Variants in FAM227A observed in about 807,000 individuals in gnomAD.
FAM227A encodes protein FAM227A.
A neutral mutation model predicts 74.7 loss-of-function variants in FAM227A; 80 were observed. The ratio of observed to expected loss-of-function variants is 1.07; its 90% CI spans 0.89 to 1.29. FAM227A has a LOEUF of 1.29. Ranked by LOEUF, FAM227A falls within the 50% of genes most tolerant of loss-of-function variation. FAM227A has a pLI of 0.00. For missense variants in FAM227A, 654 were observed against 683.4 expected (o/e 0.96, Z 0.48); for synonymous variants, 237 against 241.8 (o/e 0.98, Z 0.19).
rs558433080 is a variant in FAM227A, at chr22:38,585,704, A to G, written c.*421T>C. The G allele has an allele frequency of 9.7e-5, 21 of 215,948 alleles. No homozygotes were observed. The East Asian group carries it at 1.8e-3, about 19-fold the overall frequency. 13.4% of individuals were successfully genotyped at this position (215,948 alleles called of 1,614,324 possible). On this transcript the variant is annotated 3_prime_UTR_variant, in exon 17 of 17. Coordinates refer to ENST00000535113, the MANE Select transcript of FAM227A (RefSeq NM_001013647.2). Reference sequence around the variant, plus strand: ...ACCAGATGGTGACTCCCTTGAGAACAGGGACTGTGTCTTATCTACTGTTAA... The same window carrying G: ...ACCAGATGGTGACTCCCTTGAGAACGGGGACTGTGTCTTATCTACTGTTAA...
Position 38,591,504 on chromosome 22 carries a change from T to C in FAM227A, c.1569A>G (p.Thr523=). 6.5e-7 allele frequency: 1 copy of C among 1,548,486 alleles called. No individual in the cohort carries two copies. Among genetic ancestry groups the C allele is most frequent in the Non-Finnish European group, 8.7e-7 (1 of 1,146,072 alleles). The stretch of plus-strand genomic sequence containing the variant: ...GGATGAACATGTGGTTTGCCTTTTT[T>C]GTATCTGCTGCTTTTGGATCAATAT... ...MKNIDPKAAD[T]KKANHMFIPP... Residue 523 remains threonine, a synonymous_variant, in exon 16 of 17, where the codon ACA becomes ACG. Coordinates refer to ENST00000535113, the MANE Select transcript of FAM227A (RefSeq NM_001013647.2).
chr22:38,617,117 C>T (rs780913735), intron 11 of FAM227A, among the ~76,000 whole-genome samples: 5 of 152,070 alleles, frequency 3.3e-5, no homozygotes, highest in Admixed American at 6.5e-5. Context: ...TACAGTGGTG[C>T]GGCCAGGCAG....
chr22:38,613,317 A>AATATATATC (rs2091489337), intron 11 of FAM227A, among the ~76,000 whole-genome samples: 1 of 83,310 alleles, frequency 1.2e-5, no homozygotes, highest in Non-Finnish European at 2.1e-5. Context: ...TATAACATAT[A>AATATATATC]ATATATATCA....
intron 3 of FAM227A, among the ~76,000 whole-genome samples, chr22:38,644,629 C>T (rs1298988586): frequency 6.6e-6 from 1 of 151,936 alleles, no homozygotes; most frequent in East Asian, 1.9e-4. Context: ...CTCTGAATGT[C>T]GAGTGATGAT....
At chr22:38,641,336 C>A (rs2092109741) in intron 3 of FAM227A, among the ~76,000 whole-genome samples, 1 of 152,002 alleles carries the variant, frequency 6.6e-6, no homozygotes, top group Admixed American at 6.6e-5. Context: ...ATTAGAGATG[C>A]TTATTTCCTG....
At position 38,582,238 on chromosome 22, in the gene FAM227A, C is replaced by G. The variant is rs2090716882; in HGVS notation, c.*3887G>C. 8.6e-7 allele frequency: 1 copy of G among 1,168,132 alleles called. No individual in the cohort carries two copies. The highest frequency in any genetic ancestry group is 1.2e-6 in the Non-Finnish European group (1 of 828,428). 72.4% of individuals were successfully genotyped at this position (1,168,132 alleles called of 1,614,324 possible). ...AGCTTCCCTCCTATCCCCTCTCCAG[C>G]TATCCCTCCTGTTCTTCAGGAAACT... On this transcript the variant is annotated 3_prime_UTR_variant, in exon 17 of 17. Coordinates refer to ENST00000535113, the MANE Select transcript of FAM227A (RefSeq NM_001013647.2).
chr22:38,609,176 G>A (rs1414815111), intron 11 of FAM227A, among the ~76,000 whole-genome samples: 1 of 152,180 alleles, frequency 6.6e-6, no homozygotes, highest in Admixed American at 6.6e-5. Flanking sequence ...GGGAGGAAAG[G>A]ACAAAGAGAT....
At chr22:38,599,675 G>T in intron 14 of FAM227A, 89 bp downstream of exon 14, 16 of 1,297,988 alleles carry the variant, frequency 1.2e-5, no homozygotes, top group Non-Finnish European at 1.7e-5. Context: ...CTGTGCTAAG[G>T]CCTGGGTGCC....
At chr22:38,606,447 T>C (rs959291888) in intron 12 of FAM227A, among the ~76,000 whole-genome samples, 1 of 152,158 alleles carries the variant, frequency 6.6e-6, no homozygotes, top group African/African-American at 2.4e-5. Flanking sequence ...GGGATTACAC[T>C]GTAATGTACG....
At chr22:38,632,975 G>C (rs2091941345) in intron 6 of FAM227A, among the ~76,000 whole-genome samples, 1 of 152,196 alleles carries the variant, frequency 6.6e-6, no homozygotes, top group East Asian at 1.9e-4. Flanking sequence ...CCTCCAAGAA[G>C]TCCCAGGCGA....
intron 6 of FAM227A, among the ~76,000 whole-genome samples, chr22:38,634,231 A>G (rs2091963039): frequency 6.6e-6 from 1 of 151,722 alleles, no homozygotes; most frequent in South Asian, 2.1e-4. Flanking sequence ...CAAAAAAAAA[A>G]AAAAAAAAAA....
At chr22:38,649,855 G>C (rs2092297358) in intron 2 of FAM227A, 172 bp downstream of exon 2, 1 of 621,464 alleles carries the variant, frequency 1.6e-6, no homozygotes, top group Admixed American at 3.3e-5. Context: ...GTAACAGTGT[G>C]AAACTCCATC....
In FAM227A at chr22:38,650,259, C is replaced by T; in HGVS notation, c.-91G>A. On this transcript the variant is annotated 5_prime_UTR_variant, in exon 2 of 17. Coordinates refer to ENST00000535113, the MANE Select transcript of FAM227A (RefSeq NM_001013647.2). ...CCAATCTTGTCGTTTGTTTAATCAG[C>T]CTCCTGGAAATCATAAACAGCATAG... The T allele has an allele frequency of 7.6e-7, 1 of 1,318,988 alleles. No homozygotes were observed. The highest frequency in any genetic ancestry group is 1.0e-6 in the Non-Finnish European group (1 of 954,740). 81.7% of individuals were successfully genotyped at this position (1,318,988 alleles called of 1,614,324 possible). A position where few individuals can be genotyped will look rare whatever the true frequency, so the allele number is the denominator to read the frequency against.
At chr22:38,604,043 T>C (rs776177958) in intron 13 of FAM227A, among the ~76,000 whole-genome samples, 27 of 152,096 alleles carry the variant, frequency 1.8e-4, no homozygotes, top group Admixed American at 1.6e-3. Context: ...GTCAAAAGAT[T>C]AGCCCAGGGG....
At chr22:38,651,438 A>G (rs6001182) in intron 1 of FAM227A, among the ~76,000 whole-genome samples, 44,613 of 151,714 alleles carry the variant, frequency 0.29, 6,596 homozygotes, top group East Asian at 0.36. Context: ...CAGTGGCGCG[A>G]TCTTGGCTCA....
intron 4 of FAM227A, 36 bp from the exon 5 acceptor site, chr22:38,638,858 C>G (rs1456498557): frequency 7.1e-7 from 1 of 1,400,636 alleles, no homozygotes; most frequent in African/African-American, 1.4e-5. Context: ...AATGAGTAAC[C>G]ACAGGGTCTG....
chr22:38,603,287 A>G (rs1368939412), intron 13 of FAM227A, among the ~76,000 whole-genome samples: 3 of 152,078 alleles, frequency 2.0e-5, no homozygotes, highest in Non-Finnish European at 4.4e-5. Flanking sequence ...TAGGAGTTTG[A>G]GACCCGCCTG....
At position 38,584,989 on chromosome 22, in the gene FAM227A, G is replaced by C. The variant is rs1452716239; in HGVS notation, c.*1136C>G. 1 of 151,908 alleles carries C rather than the reference G, an allele frequency of 6.6e-6. No homozygotes were observed. The highest frequency in any genetic ancestry group is 2.4e-5 in the African/African-American group (1 of 41,344). 9.4% of individuals were successfully genotyped at this position (151,908 alleles called of 1,614,324 possible). A position where few individuals can be genotyped will look rare whatever the true frequency, so the allele number is the denominator to read the frequency against. ...TTTTTGTATTTTTAGTAGAGATGGGGTTTCACCATGTTGGCCAGGATGGTC... is the reference window on the plus strand; with the variant it reads ...TTTTTGTATTTTTAGTAGAGATGGGCTTTCACCATGTTGGCCAGGATGGTC... On this transcript the variant is annotated 3_prime_UTR_variant, in exon 17 of 17. Coordinates refer to ENST00000535113, the MANE Select transcript of FAM227A (RefSeq NM_001013647.2).
chr22:38,626,090 G>A (rs1410576275), intron 9 of FAM227A, 90 bp downstream of exon 9: 2 of 1,274,724 alleles, frequency 1.6e-6, no homozygotes, highest in Middle Eastern at 1.9e-4. Flanking sequence ...TTCATGAAGG[G>A]GTGTCATAGC....
Sources: allele counts gnomAD v4.1 joint callset (sites outside exome capture counted in the v4.1 genomes callset), GRCh38; gene constraint gnomAD v4.1.1; transcripts MANE v1.5; gene names NCBI Gene and HGNC (gene_info 2026-07-23, HGNC 2026-07-21).